CACNA1D: variants seen among roughly 807,000 people sequenced by gnomAD.
CACNA1D encodes voltage-dependent L-type calcium channel subunit alpha-1D.
CACNA1D carries 55 observed loss-of-function variants against 257.1 expected under a neutral mutation model. That is an observed-to-expected ratio of 0.21 (90% CI 0.17 to 0.27). The LOEUF is 0.27. Among genes scored for constraint, CACNA1D ranks in the 10% least tolerant of loss-of-function variants. The pLI, the probability that CACNA1D is intolerant of heterozygous loss-of-function variation, is 1.00. For missense variants in CACNA1D, 1,876 were observed against 2,784.0 expected (o/e 0.67, Z 7.34); for synonymous variants, 980 against 1,014.9 (o/e 0.97, Z 0.65).
At chr3:53,589,398 C>A (rs575191890) in intron 3 of CACNA1D, among the ~76,000 whole-genome samples, 5 of 152,056 alleles carry the variant, frequency 3.3e-5, no homozygotes, top group Non-Finnish European at 4.4e-5. Context: ...GTGGCTGTCC[C>A]TGCAGCATTT....
In CACNA1D at chr3:53,780,120, A is replaced by G; in HGVS notation, c.4682A>G (p.Lys1561Arg). Residue 1561 changes from lysine to arginine, a missense_variant, in exon 38 of 48, where the codon AAG becomes AGG. By Grantham distance (26) the Lys-to-Arg change is conservative. This residue lies in a region of CACNA1D where 160 missense variants were observed against 236.6 expected (regional missense o/e 0.68). Transcript: ENST00000350061. ...FALVRTALKIKTEGNLEQANE... is the reference protein window; with the variant it reads ...FALVRTALKIRTEGNLEQANE... ...TTGGTTCGAACGGCTCTTAAGATCAAGACCGAAGGTGAGCATTCCCTGCCA... is the reference window on the plus strand; with the variant it reads ...TTGGTTCGAACGGCTCTTAAGATCAGGACCGAAGGTGAGCATTCCCTGCCA... 6.2e-7 allele frequency: 1 copy of G among 1,611,996 alleles called. No homozygotes were observed. The highest frequency in any genetic ancestry group is 8.5e-7 in the Non-Finnish European group (1 of 1,178,014).
At chr3:53,533,698 T>G (rs3774431) in intron 3 of CACNA1D, among the ~76,000 whole-genome samples, 14,995 of 152,164 alleles carry the variant, frequency 0.099, 2,170 homozygotes, top group African/African-American at 0.31. Context: ...GCTATGGCCG[T>G]GGGCGCTGAG....
At chr3:53,600,846 C>G (rs2093432128) in intron 3 of CACNA1D, among the ~76,000 whole-genome samples, 1 of 152,226 alleles carries the variant, frequency 6.6e-6, no homozygotes, top group Non-Finnish European at 1.5e-5. Flanking sequence ...CTTTAACCCC[C>G]CTGTTCGCTG....
At chr3:53,803,070 A>G (rs150987598) in intron 43 of CACNA1D, among the ~76,000 whole-genome samples, 1 of 152,236 alleles carries the variant, frequency 6.6e-6, no homozygotes, top group Non-Finnish European at 1.5e-5. Flanking sequence ...GAGGGATCAG[A>G]GCAGATGCCC....
chr3:53,637,930 A>G (rs1336983653), intron 3 of CACNA1D, among the ~76,000 whole-genome samples: 1 of 152,178 alleles, frequency 6.6e-6, no homozygotes. Flanking sequence ...CTTCTGTGTA[A>G]ATATCTCAAA....
At position 53,811,045 on chromosome 3, in the gene CACNA1D, T is replaced by G; in HGVS notation, c.6193-68T>G. On this transcript the variant is annotated intron_variant, in intron 47 of 47. Transcript: ENST00000350061. The surrounding 1 kb of genome is among the most constrained non-coding windows in gnomAD (Gnocchi z 4.2). ...TTAAGTTAGCACTGGAGTTGATTTT[T>G]CTGTCGTCCCCCTGCCCTGCAAAGC... is the stretch of plus-strand genomic sequence containing the variant. 7.8e-7 allele frequency: 1 copy of G among 1,278,592 alleles called. No individual in the cohort carries two copies. The highest frequency in any genetic ancestry group is 1.2e-5 in the South Asian group (1 of 83,868). The allele number at this position is 1,278,592 out of a possible 1,614,324, so 79.2% of individuals were successfully genotyped here.
intron 3 of CACNA1D, among the ~76,000 whole-genome samples, chr3:53,508,548 C>T (rs1384455873): frequency 2.6e-5 from 4 of 152,226 alleles, no homozygotes; most frequent in Non-Finnish European, 1.5e-5. Context: ...TATCATTTAG[C>T]TCCCGCTTAT....
At chr3:53,641,893 T>A (rs2093956352) in intron 3 of CACNA1D, among the ~76,000 whole-genome samples, 1 of 152,156 alleles carries the variant, frequency 6.6e-6, no homozygotes, top group South Asian at 2.1e-4. Context: ...AGATGTTGTC[T>A]CTTGAGAAAT....
intron 40 of CACNA1D, among the ~76,000 whole-genome samples, chr3:53,796,703 G>C (rs1046408570): frequency 6.6e-6 from 1 of 152,136 alleles, no homozygotes; most frequent in African/African-American, 2.4e-5. Flanking sequence ...CAACTAAATG[G>C]TGTCTAAAAT....
Position 53,780,115 on chromosome 3 carries a change from G to A in CACNA1D, c.4677G>A (p.Lys1559=). Residue 1559 remains lysine, a synonymous_variant, in exon 38 of 48, where the codon AAG becomes AAA. Transcript: ENST00000350061. ...TTGCTTTGGTTCGAACGGCTCTTAA[G>A]ATCAAGACCGAAGGTGAGCATTCCC... ...TLFALVRTAL[K]IKTEGNLEQA... is the part of the protein sequence containing the mutation. 6.2e-7 allele frequency: 1 copy of A among 1,612,710 alleles called. No homozygotes were observed. The highest frequency in any genetic ancestry group is 1.1e-5 in the South Asian group (1 of 91,054).
chr3:53,550,824 G>C (rs969532848), intron 3 of CACNA1D, among the ~76,000 whole-genome samples: 1 of 152,178 alleles, frequency 6.6e-6, no homozygotes, highest in African/African-American at 2.4e-5. Context: ...ATTAAAAAAA[G>C]AGAGACCCAG....
chr3:53,805,326 G>T (rs1302589290), intron 45 of CACNA1D, 180 bp downstream of exon 45: 4 of 637,494 alleles, frequency 6.3e-6, no homozygotes, highest in Non-Finnish European at 1.1e-5. Flanking sequence ...CATATCTCAC[G>T]TGATAGAGCT....
chr3:53,709,691 G>T (rs146037196), intron 9 of CACNA1D, among the ~76,000 whole-genome samples: 3 of 152,312 alleles, frequency 2.0e-5, no homozygotes, highest in Non-Finnish European at 4.4e-5. Flanking sequence ...GAATCATGGG[G>T]CTGCAAGGGG....
chr3:53,540,092 T>A (rs923963862), intron 3 of CACNA1D, among the ~76,000 whole-genome samples: 1 of 152,098 alleles, frequency 6.6e-6, no homozygotes, highest in Non-Finnish European at 1.5e-5. Flanking sequence ...TTTTTTTTTT[T>A]TAAACACAAA....
intron 8 of CACNA1D, among the ~76,000 whole-genome samples, chr3:53,683,020 A>C (rs984139411): frequency 2.6e-5 from 4 of 152,218 alleles, no homozygotes; most frequent in African/African-American, 9.7e-5. Context: ...AGCCCAGCAG[A>C]GAACGATGGT....
intron 8 of CACNA1D, among the ~76,000 whole-genome samples, chr3:53,680,322 C>T (rs576525138): frequency 6.6e-6 from 1 of 152,142 alleles, no homozygotes; most frequent in South Asian, 2.1e-4. Context: ...TCAGCTGTGG[C>T]TATCATCTGT....
intron 44 of CACNA1D, 28 bp from the exon 45 acceptor site, chr3:53,804,955 C>T (rs765143721): frequency 6.2e-7 from 1 of 1,611,368 alleles, no homozygotes; most frequent in Non-Finnish European, 8.5e-7. Context: ...TTACCTAGAA[C>T]CTTACTGCCC....
intron 5 of CACNA1D, among the ~76,000 whole-genome samples, chr3:53,661,085 G>C (rs1487398040): frequency 6.6e-6 from 1 of 152,200 alleles, no homozygotes; most frequent in Non-Finnish European, 1.5e-5. Context: ...TAAGGTGTTT[G>C]GGGTTGCCTC....
At chr3:53,520,199 A>G (rs2091496005) in intron 3 of CACNA1D, among the ~76,000 whole-genome samples, 1 of 152,148 alleles carries the variant, frequency 6.6e-6, no homozygotes, top group African/African-American at 2.4e-5. Context: ...TAACTTTCCC[A>G]TTTTGAGGGA....
Sources: gnomAD v4.1 joint callset for allele counts (sites outside exome capture counted in the v4.1 genomes callset) on GRCh38, gnomAD v4.1.1 for gene constraint, gnomAD v4.1.1 regional missense constraint, Gnocchi (gnomAD v3.1) non-coding constraint, MANE v1.5 for transcripts, NCBI Gene and HGNC (gene_info 2026-07-23, HGNC 2026-07-21) for gene names.